Variants in TMEM132C observed in about 807,000 individuals in gnomAD.
The protein encoded by TMEM132C is transmembrane protein 132C.
TMEM132C carries 29 observed loss-of-function variants against 61.4 expected under a neutral mutation model. The ratio of observed to expected loss-of-function variants is 0.47; its 90% CI spans 0.35 to 0.64. The LOEUF is 0.64. Among genes scored for constraint, TMEM132C ranks in the 30% least tolerant of loss-of-function variants. The pLI, the probability that TMEM132C is intolerant of heterozygous loss-of-function variation, is 0.00. For synonymous variants in TMEM132C, 656 were observed against 633.1 expected, an observed-to-expected ratio of 1.04 and a Z score of -0.54; for missense variants, 1,408 against 1,476.9, an observed-to-expected ratio of 0.95 and a Z score of 0.76.
intron 1 of TMEM132C, among the ~76,000 whole-genome samples, chr12:128,273,512 G>A (rs1173101706): frequency 6.6e-6 from 1 of 152,020 alleles, no homozygotes; most frequent in Non-Finnish European, 1.5e-5. Flanking sequence ...TGTCTTTTAA[G>A]TGTAATGTTT....
chr12:128,354,544 C>A (rs1713637), intron 1 of TMEM132C, among the ~76,000 whole-genome samples: 140,237 of 151,018 alleles, frequency 0.93, 65,294 homozygotes, highest in East Asian at 0.97. Flanking sequence ...CTCCCTCCCC[C>A]ACCTCTCTCT....
chr12:128,293,421 C>A (rs1387632416), intron 1 of TMEM132C, among the ~76,000 whole-genome samples: 1 of 152,124 alleles, frequency 6.6e-6, no homozygotes, highest in Non-Finnish European at 1.5e-5. Flanking sequence ...TTGTACACAC[C>A]ACCCATCGGG....
intron 2 of TMEM132C, among the ~76,000 whole-genome samples, chr12:128,432,109 T>A (rs971176072): frequency 2.0e-5 from 3 of 152,192 alleles, no homozygotes; most frequent in Non-Finnish European, 4.4e-5. Context: ...AAACTATTCT[T>A]CTCAAAATAT....
rs1315907325 is a variant in TMEM132C at position 128,530,078 on chromosome 12, T to C, written c.975-13879T>C. 2.6e-5 allele frequency among the ~76,000 whole-genome samples: 3 copies of C among 114,968 alleles called. No individual in the cohort carries two copies. In the East Asian group the frequency reaches 7.5e-4, roughly 29 times the overall value. 75.4% of individuals were successfully genotyped at this position (114,968 alleles called of 152,430 possible). A position where few individuals can be genotyped will look rare whatever the true frequency, so the allele number is the denominator to read the frequency against. On this transcript the variant is annotated intron_variant, in intron 2 of 8. Transcript: ENST00000435159. ...TTTTAGAGGTCAGCCTCCTAGGACA[T>C]GGAGTAGGAGTGAAAAAGGCAGAAA...
At chr12:128,610,566 C>A (rs1156586475) in intron 3 of TMEM132C, among the ~76,000 whole-genome samples, 1 of 152,152 alleles carries the variant, frequency 6.6e-6, no homozygotes, top group Non-Finnish European at 1.5e-5. Flanking sequence ...AGTGATAGTT[C>A]TTGGGTGCTC....
chr12:128,267,420 G>A lies in TMEM132C; in HGVS notation c.18G>A (p.Ala6=). The A allele has an allele frequency of 8.1e-7, 1 of 1,230,866 alleles. No individual in the cohort carries two copies. The highest frequency in any genetic ancestry group is 1.0e-6 in the Non-Finnish European group (1 of 987,726). The allele number at this position is 1,230,866 out of a possible 1,614,324, so 76.2% of individuals were successfully genotyped here. Residue 6 remains alanine, a synonymous_variant, in exon 1 of 9, where the codon GCG becomes GCA. Transcript: ENST00000435159. MRSEG[A]APGPAAPLCG... is the part of the protein sequence containing the mutation. The stretch of plus-strand genomic sequence containing the variant: ...GACGCAGGATGCGCTCCGAGGGTGC[G>A]GCCCCCGGGCCGGCGGCGCCGCTGT...
intron 2 of TMEM132C, among the ~76,000 whole-genome samples, chr12:128,487,603 GTATA>G (rs35552118): frequency 0.15 from 20,275 of 136,412 alleles, 1,875 homozygotes; most frequent in African/African-American, 0.27. Context: ...GTGTGTGTGG[GTATA>G]TATATATATA....
intron 1 of TMEM132C, among the ~76,000 whole-genome samples, chr12:128,359,927 TA>T (rs1318811147): frequency 2.6e-5 from 4 of 152,190 alleles, no homozygotes; most frequent in African/African-American, 9.6e-5. Flanking sequence ...GAAGGCAAAA[TA>T]TTAATTTAGA....
intron 2 of TMEM132C, among the ~76,000 whole-genome samples, chr12:128,525,343 T>TC: frequency 7.1e-6 from 1 of 141,408 alleles, no homozygotes; most frequent in Non-Finnish European, 1.5e-5. Flanking sequence ...TCTCTCTCTC[T>TC]TTCTCTCTCT....
At chr12:128,424,586 G>A (rs954858062) in intron 2 of TMEM132C, among the ~76,000 whole-genome samples, 5 of 152,196 alleles carry the variant, frequency 3.3e-5, no homozygotes, top group African/African-American at 4.8e-5. Flanking sequence ...GGTGGCATGT[G>A]GGGAGTGATT....
chr12:128,566,388 A>G (rs1874704931), intron 3 of TMEM132C, among the ~76,000 whole-genome samples: 1 of 152,150 alleles, frequency 6.6e-6, no homozygotes, highest in African/African-American at 2.4e-5. Flanking sequence ...GTTTTCCTAA[A>G]GAACCTATTG....
rs888371050 is a variant in TMEM132C, at chr12:128,630,153, C to G, written c.1305+13818C>G. 5.3e-5 allele frequency among the ~76,000 whole-genome samples: 8 copies of G among 152,008 alleles called. No individual in the cohort carries two copies. The highest frequency in any genetic ancestry group is 8.8e-5 in the Non-Finnish European group (6 of 68,004). On this transcript the variant is annotated intron_variant, in intron 4 of 8. Transcript: ENST00000435159. This position sits in a 1 kb window ranked among gnomAD's most constrained non-coding sequence, Gnocchi z 4.3. Reference sequence around the variant, plus strand: ...GGACTTGGGAAAGCCTGGGTGCCCCCCTCCAAGGTGTCTCAGGCGGCAAGC... The same window carrying G: ...GGACTTGGGAAAGCCTGGGTGCCCCGCTCCAAGGTGTCTCAGGCGGCAAGC...
intron 3 of TMEM132C, among the ~76,000 whole-genome samples, chr12:128,604,410 TAG>T (rs1218224244): frequency 9.5e-5 from 5 of 52,362 alleles, no homozygotes; most frequent in African/African-American, 2.4e-4. Flanking sequence ...GGATGGAAGA[TAG>T]ATAGATAGAT....
chr12:128,521,555 A>G (rs1344047538), intron 2 of TMEM132C, among the ~76,000 whole-genome samples: 1 of 151,476 alleles, frequency 6.6e-6, no homozygotes, highest in Non-Finnish European at 1.5e-5. Context: ...CCTAACTAAT[A>G]TGCACATATA....
intron 2 of TMEM132C, among the ~76,000 whole-genome samples, chr12:128,479,105 A>G (rs1041403182): frequency 2.0e-5 from 3 of 152,192 alleles, no homozygotes; most frequent in Non-Finnish European, 4.4e-5. Flanking sequence ...TTAGCAAACT[A>G]GTGCAGGAAC....
At chr12:128,591,985 G>A (rs1875767871) in intron 3 of TMEM132C, among the ~76,000 whole-genome samples, 1 of 145,534 alleles carries the variant, frequency 6.9e-6, no homozygotes, top group South Asian at 2.3e-4. Context: ...CCGAGAGGCG[G>A]ATGTTGCAGT....
At chr12:128,510,790 C>T (rs7133316) in intron 2 of TMEM132C, among the ~76,000 whole-genome samples, 3,324 of 152,332 alleles carry the variant, frequency 0.022, 128 homozygotes, top group African/African-American at 0.073. Context: ...GGAGGGGAAG[C>T]ACCTCAGATG....
chr12:128,669,607 T>G, intron 5 of TMEM132C, 47 bp downstream of exon 5: 3 of 1,542,288 alleles, frequency 1.9e-6, no homozygotes, highest in Non-Finnish European at 2.6e-6. Context: ...GGAACTTCAC[T>G]TGGACATCCC....
chr12:128,342,478 T>G (rs1041054497), intron 1 of TMEM132C, among the ~76,000 whole-genome samples: 1 of 152,344 alleles, frequency 6.6e-6, no homozygotes, highest in Non-Finnish European at 1.5e-5. Flanking sequence ...CAAACCTGTT[T>G]GAACAGAAGA....
Sources: allele counts gnomAD v4.1 joint callset (sites outside exome capture counted in the v4.1 genomes callset), GRCh38; gene constraint gnomAD v4.1.1; non-coding constraint Gnocchi (gnomAD v3.1); transcripts MANE v1.5; gene names NCBI Gene and HGNC (gene_info 2026-07-23, HGNC 2026-07-21).